PCLO: variants seen among roughly 807,000 people sequenced by gnomAD.
The protein encoded by PCLO is protein piccolo.
PCLO carries 82 observed loss-of-function variants against 427.5 expected under a neutral mutation model. The observed-to-expected ratio is 0.19, with a 90% CI of 0.16 to 0.23. The LOEUF (loss-of-function observed/expected upper bound fraction) is 0.23. PCLO is among the 10% of genes least tolerant of loss of function. The probability of loss-of-function intolerance (pLI) is 1.00; values close to 1 mark genes in which losing one functional copy is unlikely to be tolerated. For missense variants in PCLO, 6,239 were observed against 6,115.9 expected, an observed-to-expected ratio of 1.02 and a Z score of -0.67; for synonymous variants, 2,357 against 2,155.4, an observed-to-expected ratio of 1.09 and a Z score of -2.59.
chr7:82,934,633 C>A (rs1259162724), intron 6 of PCLO, among the ~76,000 whole-genome samples: 1 of 151,562 alleles, frequency 6.6e-6, no homozygotes, highest in Admixed American at 6.6e-5. Flanking sequence ...GGCTTCAAAG[C>A]TTCAGAAAAT....
chr7:83,058,576 C>T (rs987541032), intron 3 of PCLO, among the ~76,000 whole-genome samples: 1 of 152,024 alleles, frequency 6.6e-6, no homozygotes, highest in African/African-American at 2.4e-5. Flanking sequence ...ATAATAATTG[C>T]TAATATTTAT....
At chr7:83,020,260 T>C (rs1247933949) in intron 3 of PCLO, among the ~76,000 whole-genome samples, 1 of 152,150 alleles carries the variant, frequency 6.6e-6, no homozygotes, top group East Asian at 1.9e-4. Flanking sequence ...TGATGCATGC[T>C]GTTACATTCC....
chr7:82,884,708 C>T (rs1241179536), intron 9 of PCLO, among the ~76,000 whole-genome samples: 1 of 151,988 alleles, frequency 6.6e-6, no homozygotes, highest in Non-Finnish European at 1.5e-5. Context: ...CTGGATGTCA[C>T]AAAATTGGAA....
intron 22 of PCLO, among the ~76,000 whole-genome samples, chr7:82,796,297 T>G (rs1382562664): frequency 6.6e-6 from 1 of 152,182 alleles, no homozygotes; most frequent in East Asian, 1.9e-4. Context: ...GGATTTTAGA[T>G]TCACGTAATT....
At chr7:83,014,823 T>C (rs961125098) in intron 3 of PCLO, among the ~76,000 whole-genome samples, 2 of 152,074 alleles carry the variant, frequency 1.3e-5, no homozygotes, top group Non-Finnish European at 2.9e-5. Context: ...AAATTTTGGA[T>C]TGCCACAGAG....
chr7:82,853,518 T>C (rs934328645), intron 10 of PCLO, among the ~76,000 whole-genome samples: 2 of 152,100 alleles, frequency 1.3e-5, no homozygotes, highest in African/African-American at 4.8e-5. Flanking sequence ...TCTTAATTGG[T>C]TTAAAAACTA....
chr7:83,151,730 C>G (rs1391708278), intron 2 of PCLO, among the ~76,000 whole-genome samples: 1 of 152,062 alleles, frequency 6.6e-6, no homozygotes, highest in Non-Finnish European at 1.5e-5. Context: ...TTCCTTTGAC[C>G]CTGTAACACT....
intron 3 of PCLO, among the ~76,000 whole-genome samples, chr7:83,121,799 C>G (rs10257257): frequency 0.47 from 71,779 of 151,874 alleles, 17,523 homozygotes; most frequent in East Asian, 0.69. Context: ...TAATGATAAA[C>G]GATTCAATTA....
chr7:83,072,443 A>C, intron 3 of PCLO, among the ~76,000 whole-genome samples: 1 of 152,088 alleles, frequency 6.6e-6, no homozygotes, highest in African/African-American at 2.4e-5. Context: ...AGGATGAATT[A>C]GTCCTATGGC....
chr7:83,155,406 G>A lies in PCLO; in HGVS notation c.1235C>T (p.Thr412Ile). 1 of 1,613,914 alleles carries A rather than the reference G, an allele frequency of 6.2e-7. No individual in the cohort carries two copies. Among genetic ancestry groups the A allele is most frequent in the Non-Finnish European group, 8.5e-7 (1 of 1,179,884 alleles). The change falls in exon 2 of 25, where the codon ACC becomes ATC. Residue 412 changes from threonine (T) to isoleucine (I), a missense_variant. Physicochemically the swap from Thr to Ile is moderately conservative, Grantham distance 89 (BLOSUM62 -1). Coordinates refer to ENST00000333891, the MANE Select transcript of PCLO (RefSeq NM_033026.6). ...GGGTTTTGGTGTCCCCACCTGCTGG[G>A]TTGGAGGCTTTGCTGGCCCTGGCTG... ...AQQPGPAKPP[T>I]QQVGTPKPLA...
intron 3 of PCLO, among the ~76,000 whole-genome samples, chr7:83,094,674 C>T (rs896520487): frequency 1.3e-5 from 2 of 152,008 alleles, no homozygotes; most frequent in Non-Finnish European, 2.9e-5. Context: ...GGGTCTATTA[C>T]GAGAAAAAAA....
rs921577896 is a variant in PCLO, at chr7:82,953,856, G to A, written c.7097C>T (p.Thr2366Ile). 6.2e-6 allele frequency: 10 copies of A among 1,613,532 alleles called. No individual in the cohort carries two copies. The highest frequency in any genetic ancestry group is 8.5e-6 in the Non-Finnish European group (10 of 1,179,742). Residue 2366 changes from threonine to isoleucine, a missense_variant, in exon 5 of 25, where the codon ACC (threonine) becomes ATC (isoleucine). Thr to Ile is a moderately conservative substitution (Grantham distance 89). This residue lies in a region of PCLO where 4,677 missense variants were observed against 4,468.4 expected (regional missense o/e 1.05). Transcript: ENST00000333891. ...LSTTYFTSGE[T>I]FGQEKPASQL... ...AGATGCAGGTTTTTCCTGACCAAAG[G>A]TCTCTCCAGATGTAAAGTATGTAGT...
chr7:82,966,655 CA>C (rs1400530756), intron 3 of PCLO, among the ~76,000 whole-genome samples, 168 bp from the exon 4 acceptor site: 17 of 152,068 alleles, frequency 1.1e-4, no homozygotes, highest in Admixed American at 6.5e-4. Context: ...TAAAACATTA[CA>C]AAAAGGCTAT....
intron 3 of PCLO, among the ~76,000 whole-genome samples, chr7:83,038,033 A>ATT (rs1788857262): frequency 5.5e-5 from 3 of 54,356 alleles, no homozygotes; most frequent in African/African-American, 9.3e-5. Context: ...ATATATATTT[A>ATT]TATATTTATA....
chr7:82,806,820 G>A (rs992627006), intron 20 of PCLO, among the ~76,000 whole-genome samples: 2 of 152,184 alleles, frequency 1.3e-5, no homozygotes, highest in African/African-American at 4.8e-5. Flanking sequence ...ATATGTAGGA[G>A]CCCAGTAACT....
chr7:82,880,408 T>C (rs1339121902), intron 9 of PCLO: 9 of 413,110 alleles, frequency 2.2e-5, no homozygotes, highest in Non-Finnish European at 4.4e-5. Flanking sequence ...TGAATAGCTC[T>C]ATTCTTTTTA....
At chr7:82,914,348 T>TA in intron 7 of PCLO, 1 of 469,436 alleles carries the variant, frequency 2.1e-6, no homozygotes, top group East Asian at 3.2e-5. Context: ...GAAAGAAACT[T>TA]ACAATGAAAA....
intron 10 of PCLO, among the ~76,000 whole-genome samples, chr7:82,860,621 C>T (rs1199562513): frequency 6.6e-6 from 1 of 151,828 alleles, no homozygotes; most frequent in Non-Finnish European, 1.5e-5. Flanking sequence ...CCTGATGGTC[C>T]AAAATTCATT....
Position 82,950,360 on chromosome 7 carries a change from G to T in PCLO, c.10228C>A (p.Pro3410Thr), listed in dbSNP as rs748441878. 1.9e-6 allele frequency: 3 copies of T among 1,613,580 alleles called. No individual in the cohort carries two copies. The highest frequency in any genetic ancestry group is 2.2e-5 in the South Asian group (2 of 91,054). The change falls in exon 6 of 25, where the codon CCC (proline) becomes ACC (threonine). Residue 3410 changes from proline to threonine, a missense_variant. This residue lies in a region of PCLO where 4,677 missense variants were observed against 4,468.4 expected (regional missense o/e 1.05). Coordinates refer to ENST00000333891, the MANE Select transcript of PCLO (RefSeq NM_033026.6). ...TDVVVKEEKQ[P>T]KKRSSGAKVR... is the part of the protein sequence containing the mutation. ...TTAGCTCCAGAACTTCTCTTTTTGG[G>T]TTGTTTTTCCTCTTTCACAACAACA...
Sources: gnomAD v4.1 joint callset for allele counts (sites outside exome capture counted in the v4.1 genomes callset) on GRCh38, gnomAD v4.1.1 for gene constraint, gnomAD v4.1.1 regional missense constraint, MANE v1.5 for transcripts, NCBI Gene and HGNC (gene_info 2026-07-23, HGNC 2026-07-21) for gene names.